The following GPR173 variants were observed in gnomAD, a reference collection of about 807,000 sequenced individuals.
GPR173 encodes G protein-coupled receptor 173, also known as probable G protein-coupled receptor 173.
GPR173 carries 2 observed loss-of-function variants against 13.9 expected under a neutral mutation model. That is an observed-to-expected ratio of 0.14 (90% CI 0.06 to 0.45). The LOEUF is 0.45. Among genes scored for constraint, GPR173 ranks in the 20% least tolerant of loss-of-function variants. GPR173 has a pLI of 0.98. For synonymous variants in GPR173, 131 were observed against 141.0 expected (o/e 0.93, Z 0.50); for missense variants, 202 against 340.5 (o/e 0.59, Z 3.20).
intron 1 of GPR173, among the ~76,000 whole-genome samples, chrX:53,052,575 G>A (rs781863958): frequency 9.4e-6 from 1 of 106,050 alleles, no homozygotes; most frequent in African/African-American, 3.6e-5. Context: ...ATACACATAT[G>A]TCCACACACA....
chrX:53,051,723 T>C (rs1931959463), intron 1 of GPR173, among the ~76,000 whole-genome samples: 1 of 111,434 alleles, frequency 9.0e-6, no homozygotes, highest in South Asian at 3.8e-4. Context: ...GCATCAGTTT[T>C]TCTTTGAGTG....
At chrX:53,066,650 A>G (rs1932187701) in intron 1 of GPR173, among the ~76,000 whole-genome samples, 1 of 95,354 alleles carries the variant, frequency 1.0e-5, no homozygotes, top group African/African-American at 4.5e-5. Context: ...CCTGGGCAAC[A>G]GCGAGACTCA....
At chrX:53,071,656 CA>C (rs1267043875) in intron 1 of GPR173, among the ~76,000 whole-genome samples, 1 of 111,849 alleles carries the variant, frequency 8.9e-6, no homozygotes, top group African/African-American at 3.2e-5. Context: ...CCCTACACCC[CA>C]GCACTGTGGC....
At chrX:53,052,366 T>C (rs928358032) in intron 1 of GPR173, among the ~76,000 whole-genome samples, 1 of 111,569 alleles carries the variant, frequency 9.0e-6, no homozygotes. Context: ...TGTGAGTACA[T>C]GTCTGTGGCG....
rs1453636893 is a variant in GPR173 at position 53,077,938 on chromosome X, G to C, written c.*195G>C. The C allele has an allele frequency of 4.7e-6, 2 of 429,352 alleles. No homozygotes were observed. The highest frequency in any genetic ancestry group is 6.4e-4 in the Middle Eastern group (1 of 1,559). 35.4% of individuals were successfully genotyped at this position (429,352 alleles called of 1,213,427 possible). A position where few individuals can be genotyped will look rare whatever the true frequency, so the allele number is the denominator to read the frequency against. On this transcript the variant is annotated 3_prime_UTR_variant, in exon 2 of 2. Transcript: ENST00000332582. ...GGACTGGGCGAGGGACTGGGAAAGA[G>C]GCATATTTAGTTTTGTGGGGCCTGT...
At chrX:53,064,883 G>A (rs1331347963) in intron 1 of GPR173, among the ~76,000 whole-genome samples, 2 of 111,771 alleles carry the variant, frequency 1.8e-5, no homozygotes, top group African/African-American at 3.3e-5. Flanking sequence ...CTGTTGCATT[G>A]GGGATTAAGT....
At position 53,078,589 on chromosome X, in the gene GPR173, A is replaced by C. The variant is rs1371860522; in HGVS notation, c.*846A>C. 1 of 121,984 alleles carries C rather than the reference A, an allele frequency of 8.2e-6. No homozygotes were observed. The highest frequency in any genetic ancestry group is 1.9e-5 in the Non-Finnish European group (1 of 53,034). The allele number at this position is 121,984 out of a possible 1,213,427, so 10.1% of individuals were successfully genotyped here. A position where few individuals can be genotyped will look rare whatever the true frequency, so the allele number is the denominator to read the frequency against. On this transcript the variant is annotated 3_prime_UTR_variant, in exon 2 of 2. Transcript: ENST00000332582. Reference sequence around the variant, plus strand: ...CTGCCTTCAGGATCCCCAGCCCCCAACTCTTCTTCCTGAGGATGGAAATCC... The same window carrying C: ...CTGCCTTCAGGATCCCCAGCCCCCACCTCTTCTTCCTGAGGATGGAAATCC...
intron 1 of GPR173, among the ~76,000 whole-genome samples, chrX:53,075,605 T>A (rs1556805714): frequency 9.2e-6 from 1 of 108,946 alleles, no homozygotes. Context: ...TATTCACACA[T>A]ACTTGCCTCC....
chrX:53,067,193 G>A (rs1184839724), intron 1 of GPR173, among the ~76,000 whole-genome samples: 2 of 111,414 alleles, frequency 1.8e-5, no homozygotes, highest in African/African-American at 6.5e-5. Flanking sequence ...AATGCCCTTT[G>A]ACCTGTCACC....
chrX:53,051,673 G>A lies in GPR173; in HGVS notation c.-98+2189G>A, dbSNP rs1344646390. ...CTGAGTGTGGGTGTGTTTTCTCTGA[G>A]CCATCAGGCCTGTTGAATGTCTAGT... On this transcript the variant is annotated intron_variant, in intron 1 of 1. Coordinates refer to ENST00000332582, the MANE Select transcript of GPR173 (RefSeq NM_018969.6). Among the ~76,000 whole-genome samples the A allele has an allele frequency of 8.1e-5, 9 of 111,321 alleles. No individual in the cohort carries two copies. In the East Asian group the frequency reaches 2.5e-3, roughly 31 times the overall value.
chrX:53,058,179 G>A (rs1005876007), intron 1 of GPR173, among the ~76,000 whole-genome samples: 6 of 112,206 alleles, frequency 5.3e-5, no homozygotes, highest in Non-Finnish European at 1.1e-4. Flanking sequence ...GGGTGTATGA[G>A]TGCACATGCC....
chrX:53,074,837 C>T (rs1337546100), intron 1 of GPR173, among the ~76,000 whole-genome samples: 1 of 99,467 alleles, frequency 1.0e-5, no homozygotes, highest in Non-Finnish European at 2.0e-5. Context: ...GAGAGAAATT[C>T]TAGGAGGCAA....
chrX:53,060,029 T>TACACACAC (rs200398295), intron 1 of GPR173, among the ~76,000 whole-genome samples: 6 of 101,998 alleles, frequency 5.9e-5, no homozygotes, highest in African/African-American at 1.9e-4. Context: ...TATATATATA[T>TACACACAC]ATACACACAC....
chrX:53,076,788 C>T lies in GPR173; in HGVS notation c.167C>T (p.Ala56Val). Reference sequence around the variant, plus strand: ...CTCAAGGAGCGTGCCCTGCACAAGGCTCCTTACTACTTCCTGCTGGACCTG... The same window carrying T: ...CTCAAGGAGCGTGCCCTGCACAAGGTTCCTTACTACTTCCTGCTGGACCTG... ...LVLKERALHK[A>V]PYYFLLDLCL... Residue 56 changes from alanine (A) to valine (V), a missense_variant, in exon 2 of 2, where the codon GCT (alanine) becomes GTT (valine). By Grantham distance (64) the Ala-to-Val change is moderately conservative. This residue lies in a region of GPR173 where 98 missense variants were observed against 137.2 expected (regional missense o/e 0.71). Transcript: ENST00000332582. 2 of 1,210,527 alleles carry T rather than the reference C, an allele frequency of 1.7e-6. No homozygotes were observed.
At chrX:53,066,600 G>A (rs1466634314) in intron 1 of GPR173, among the ~76,000 whole-genome samples, 10 of 109,068 alleles carry the variant, frequency 9.2e-5, no homozygotes, top group Admixed American at 5.9e-4. Context: ...CCCAGGAGGC[G>A]GAGGTTGCAG....
At chrX:53,076,420 G>T (rs1932432343) in intron 1 of GPR173, 105 bp from the exon 2 acceptor site, 1 of 371,642 alleles carries the variant, frequency 2.7e-6, no homozygotes, top group African/African-American at 2.6e-5. Flanking sequence ...CGCCTGTTGT[G>T]TTTTTCTGCC....
intron 1 of GPR173, among the ~76,000 whole-genome samples, chrX:53,074,871 G>C (rs1049369451): frequency 9.9e-6 from 1 of 101,270 alleles, no homozygotes; most frequent in Admixed American, 1.2e-4. Context: ...GCATGGAGGG[G>C]GCATTATCTG....
chrX:53,071,766 T>C (rs937537466), intron 1 of GPR173, among the ~76,000 whole-genome samples: 2 of 112,485 alleles, frequency 1.8e-5, no homozygotes, highest in East Asian at 5.6e-4. Context: ...GGGTACACTG[T>C]GTACCTGTGT....
At chrX:53,061,067 A>G (rs2146676081) in intron 1 of GPR173, among the ~76,000 whole-genome samples, 1 of 108,128 alleles carries the variant, frequency 9.2e-6, no homozygotes, top group East Asian at 3.0e-4. Context: ...AAAAAACACA[A>G]CAAAAATTAG....
Sources: gnomAD v4.1 joint callset for allele counts (sites outside exome capture counted in the v4.1 genomes callset) on GRCh38, gnomAD v4.1.1 for gene constraint, gnomAD v4.1.1 regional missense constraint, MANE v1.5 for transcripts, NCBI Gene and HGNC (gene_info 2026-07-23, HGNC 2026-07-21) for gene names.